DYM: variants seen among roughly 807,000 people sequenced by gnomAD.
The protein encoded by DYM is dymeclin, also known as dyggve-Melchior-Clausen syndrome protein.
A neutral mutation model predicts 93.1 loss-of-function variants in DYM; 78 were observed. The ratio of observed to expected loss-of-function variants is 0.84; its 90% CI spans 0.70 to 1.01. DYM has a LOEUF of 1.01. Ranked by LOEUF, DYM falls within the 50% of genes least tolerant of loss-of-function variation. The pLI, the probability that DYM is intolerant of heterozygous loss-of-function variation, is 0.00. For synonymous variants in DYM, 321 were observed against 319.7 expected (o/e 1.00, Z -0.04); for missense variants, 789 against 845.0 (o/e 0.93, Z 0.82).
chr18:49,265,472 T>C (rs2094554158), intron 11 of DYM, among the ~76,000 whole-genome samples: 1 of 152,196 alleles, frequency 6.6e-6, no homozygotes, highest in African/African-American at 2.4e-5. Context: ...GAATAAAATA[T>C]GCCACAGAAA....
chr18:49,360,070 T>A (rs2065888630), intron 6 of DYM, among the ~76,000 whole-genome samples: 1 of 152,216 alleles, frequency 6.6e-6, no homozygotes, highest in South Asian at 2.1e-4. Flanking sequence ...CTGTGCATTT[T>A]CAGCTAATTT....
At chr18:49,378,358 T>C (rs933805363) in intron 5 of DYM, among the ~76,000 whole-genome samples, 2 of 152,334 alleles carry the variant, frequency 1.3e-5, no homozygotes, top group Middle Eastern at 3.4e-3. Flanking sequence ...CCAGCTTTCT[T>C]ATTTAAAACG....
In DYM at chr18:49,053,506, C is replaced by T. The variant is rs148264094; in HGVS notation, c.2026-9302G>A. 4.6e-5 allele frequency among the ~76,000 whole-genome samples: 7 copies of T among 152,112 alleles called. No homozygotes were observed. The East Asian group carries it at 1.4e-3, about 29-fold the overall frequency. On this transcript the variant is annotated intron_variant, in intron 17 of 17. Transcript: ENST00000675505. ...AGACCATATTAAGCCTCTGAATAGA[C>T]AAGGAAATGGGAGATTGCTGGTCGC... is the stretch of plus-strand genomic sequence containing the variant.
intron 14 of DYM, among the ~76,000 whole-genome samples, chr18:49,197,761 C>T (rs897317217): frequency 2.0e-5 from 3 of 152,132 alleles, no homozygotes; most frequent in Non-Finnish European, 1.5e-5. Context: ...ATATTCCATG[C>T]TCATGGGTAG....
intron 17 of DYM, among the ~76,000 whole-genome samples, chr18:49,081,032 G>A (rs2077948086): frequency 1.3e-5 from 2 of 150,044 alleles, no homozygotes; most frequent in Admixed American, 6.6e-5. Context: ...GGGCAGCCAG[G>A]CAGAGGGGCT....
intron 2 of DYM, among the ~76,000 whole-genome samples, chr18:49,415,383 A>G (rs1014467829): frequency 6.6e-6 from 1 of 150,530 alleles, no homozygotes; most frequent in Non-Finnish European, 1.5e-5. Flanking sequence ...AAAACGATAT[A>G]CACCATAATG....
In DYM at chr18:49,036,511, T is replaced by C. The variant is rs1170396873; in HGVS notation, c.*7544A>G. 6.6e-6 allele frequency among the ~76,000 whole-genome samples: 1 copy of C among 152,224 alleles called. No homozygotes were observed. Among genetic ancestry groups the C allele is most frequent in the Non-Finnish European group, 1.5e-5 (1 of 68,038 alleles). On this transcript the variant is annotated 3_prime_UTR_variant, in exon 18 of 18. Transcript: ENST00000675505. ...TCACTGCAATAAAGATCATTTCAAC[T>C]AGATTTAAAATTTATTGGTATTCAT...
At chr18:49,349,583 A>T (rs2064935630) in intron 6 of DYM, among the ~76,000 whole-genome samples, 1 of 152,222 alleles carries the variant, frequency 6.6e-6, no homozygotes, top group East Asian at 1.9e-4. Flanking sequence ...ATAATTGTAA[A>T]ATTTCATCAA....
chr18:49,386,690 T>G (rs550848650), intron 3 of DYM, among the ~76,000 whole-genome samples: 16 of 152,276 alleles, frequency 1.1e-4, no homozygotes, highest in Admixed American at 9.2e-4. Flanking sequence ...CCTGGAACAG[T>G]GAAGGCAGAT....
At chr18:49,359,909 T>C (rs529057628) in intron 6 of DYM, 65 of 152,220 alleles carry the variant, frequency 4.3e-4, no homozygotes, top group Non-Finnish European at 8.7e-4. Context: ...TTAGAGGAAA[T>C]GAAACATTTA....
chr18:49,097,874 G>GCT (rs61301668), intron 16 of DYM, among the ~76,000 whole-genome samples: 5,895 of 141,168 alleles, frequency 0.042, 138 homozygotes, highest in South Asian at 0.058. Flanking sequence ...CTTAATATTA[G>GCT]CTCTCTCTCT....
intron 17 of DYM, among the ~76,000 whole-genome samples, chr18:49,077,474 G>A (rs1435337748): frequency 6.6e-6 from 1 of 152,214 alleles, no homozygotes; most frequent in Non-Finnish European, 1.5e-5. Flanking sequence ...CCACTGTCCA[G>A]TGAAATGTTC....
At chr18:49,143,099 T>C (rs1428276061) in intron 15 of DYM, among the ~76,000 whole-genome samples, 3 of 152,244 alleles carry the variant, frequency 2.0e-5, no homozygotes, top group African/African-American at 7.2e-5. Context: ...ACTATGATCA[T>C]GGCATTATGC....
At chr18:49,290,290 A>G (rs1257438587) in intron 8 of DYM, among the ~76,000 whole-genome samples, 1 of 152,152 alleles carries the variant, frequency 6.6e-6, no homozygotes, top group Admixed American at 6.5e-5. Flanking sequence ...AAGTGAAAAA[A>G]ACAAGTTGCA....
chr18:49,086,123 G>A (rs907336685), intron 17 of DYM, among the ~76,000 whole-genome samples: 8 of 152,166 alleles, frequency 5.3e-5, no homozygotes, highest in Non-Finnish European at 1.2e-4. Context: ...TGGAAATCAT[G>A]TGTCCTAGTC....
At chr18:49,098,284 T>C (rs1485414733) in intron 16 of DYM, among the ~76,000 whole-genome samples, 3 of 152,224 alleles carry the variant, frequency 2.0e-5, no homozygotes, top group African/African-American at 7.2e-5. Context: ...AATTATTGTG[T>C]TTTTGTAAAG....
At chr18:49,415,531 C>G (rs1189388669) in intron 2 of DYM, among the ~76,000 whole-genome samples, 1 of 151,396 alleles carries the variant, frequency 6.6e-6, no homozygotes. Context: ...GTGACTGTGC[C>G]AAGAGCTGCC....
intron 14 of DYM, among the ~76,000 whole-genome samples, chr18:49,205,552 G>C: frequency 6.6e-6 from 1 of 151,678 alleles, no homozygotes; most frequent in East Asian, 1.9e-4. Flanking sequence ...TCAAATTCTG[G>C]ATATCAAATT....
At chr18:49,135,330 C>T (rs2083742681) in intron 15 of DYM, among the ~76,000 whole-genome samples, 2 of 152,104 alleles carry the variant, frequency 1.3e-5, no homozygotes, top group Admixed American at 1.3e-4. Flanking sequence ...AAAAATTGGC[C>T]AGATATACAA....
Sources: gnomAD v4.1 joint callset for allele counts (sites outside exome capture counted in the v4.1 genomes callset) on GRCh38, gnomAD v4.1.1 for gene constraint, MANE v1.5 for transcripts, NCBI Gene and HGNC (gene_info 2026-07-23, HGNC 2026-07-21) for gene names.